PCDH7: variants seen among roughly 807,000 people sequenced by gnomAD.
PCDH7 encodes the protein protocadherin 7.
In PCDH7, 17 loss-of-function variants were observed where a neutral mutation model predicts 58.9. That is an observed-to-expected ratio of 0.29 (90% CI 0.20 to 0.43). The LOEUF is 0.43. PCDH7 is among the 20% of genes least tolerant of loss of function. The probability of loss-of-function intolerance (pLI) is 1.00; values close to 1 mark genes in which losing one functional copy is unlikely to be tolerated. For missense variants in PCDH7, 1,274 were observed against 1,441.0 expected, an observed-to-expected ratio of 0.88 and a Z score of 1.88; for synonymous variants, 664 against 616.4, an observed-to-expected ratio of 1.08 and a Z score of -1.14.
At chr4:31,086,255 TTTTA>T (rs1712418872) in intron 3 of PCDH7, among the ~76,000 whole-genome samples, 1 of 152,198 alleles carries the variant, frequency 6.6e-6, no homozygotes, top group Admixed American at 6.5e-5. Context: ...GCAGAGTTCC[TTTTA>T]TTTGTTTTAA....
intron 1 of PCDH7, among the ~76,000 whole-genome samples, chr4:30,794,728 C>T (rs1240999266): frequency 6.6e-6 from 1 of 151,576 alleles, no homozygotes; most frequent in Non-Finnish European, 1.5e-5. Context: ...AAAAATTATA[C>T]ATTTTAAATT....
chr4:30,929,995 T>A (rs1036575430), intron 2 of PCDH7, among the ~76,000 whole-genome samples: 1 of 152,200 alleles, frequency 6.6e-6, no homozygotes, highest in African/African-American at 2.4e-5. Context: ...TGAGTATTTA[T>A]TTTATGCAAA....
chr4:30,933,025 CTTTCTTTCTT>C (rs1173676688), intron 2 of PCDH7, among the ~76,000 whole-genome samples: 1 of 93,898 alleles, frequency 1.1e-5, no homozygotes, highest in Non-Finnish European at 2.1e-5. Context: ...TTCTTTCTTT[CTTTCTTTCTT>C]TTTTTTTTTT....
intron 3 of PCDH7, among the ~76,000 whole-genome samples, chr4:30,983,914 C>T (rs1173473246): frequency 6.6e-6 from 1 of 152,070 alleles, no homozygotes; most frequent in Non-Finnish European, 1.5e-5. Flanking sequence ...TCATAGTGCT[C>T]CACACCACTG....
chr4:31,051,092 G>T (rs576299159), intron 3 of PCDH7, among the ~76,000 whole-genome samples: 2 of 152,156 alleles, frequency 1.3e-5, no homozygotes, highest in East Asian at 1.9e-4. Flanking sequence ...GACCTGCCTT[G>T]GTAATTCCAA....
exon 1 of PCDH7, chr4:30,724,383 C>A: frequency 1.2e-6 from 2 of 1,613,962 alleles, no homozygotes; most frequent in Non-Finnish European, 1.7e-6. Flanking sequence ...ATGGTGGGCC[C>A]GGCAGTCCTG....
intron 3 of PCDH7, among the ~76,000 whole-genome samples, chr4:31,079,309 GATATATAT>G (rs149501069): frequency 0.079 from 5,305 of 67,268 alleles, 302 homozygotes; most frequent in South Asian, 0.16. Flanking sequence ...AATACTGGAA[GATATATAT>G]ATATATATAT....
At chr4:30,748,400 G>T (rs1718050646) in intron 1 of PCDH7, among the ~76,000 whole-genome samples, 2 of 152,130 alleles carry the variant, frequency 1.3e-5, no homozygotes, top group Admixed American at 1.3e-4. Flanking sequence ...AGTTCTGGTG[G>T]CCGAGAAGTC....
intron 3 of PCDH7, among the ~76,000 whole-genome samples, chr4:31,079,956 G>A (rs1759365100): frequency 6.6e-6 from 1 of 152,064 alleles, no homozygotes; most frequent in Admixed American, 6.6e-5. Flanking sequence ...AAATAAAATA[G>A]CAGGGATAAG....
At chr4:30,945,572 A>AT (rs1746571830) in intron 2 of PCDH7, among the ~76,000 whole-genome samples, 1 of 151,400 alleles carries the variant, frequency 6.6e-6, no homozygotes, top group Admixed American at 6.6e-5. Flanking sequence ...GCTTCAGGTC[A>AT]TGCCTACACA....
intron 1 of PCDH7, among the ~76,000 whole-genome samples, chr4:30,821,931 A>G (rs979928410): frequency 3.3e-5 from 5 of 152,148 alleles, no homozygotes; most frequent in African/African-American, 1.2e-4. Context: ...ACTATTCAGA[A>G]CCTTCTGAGC....
intron 3 of PCDH7, among the ~76,000 whole-genome samples, chr4:31,089,415 AT>A (rs1462366903): frequency 6.6e-6 from 1 of 151,788 alleles, no homozygotes; most frequent in East Asian, 1.9e-4. Context: ...TGCCAAGAAA[AT>A]TTTTTTCTTA....
intron 3 of PCDH7, among the ~76,000 whole-genome samples, chr4:31,102,385 T>C (rs892488724): frequency 6.6e-6 from 1 of 152,102 alleles, no homozygotes; most frequent in African/African-American, 2.4e-5. Flanking sequence ...TATAATATTG[T>C]AGATTTAACG....
chr4:31,002,569 T>G (rs1330936107), intron 3 of PCDH7, among the ~76,000 whole-genome samples: 1 of 152,194 alleles, frequency 6.6e-6, no homozygotes, highest in South Asian at 2.1e-4. Context: ...GGAATGGAGA[T>G]GTAATCCCAG....
intron 1 of PCDH7, among the ~76,000 whole-genome samples, chr4:30,777,773 A>G (rs1009299380): frequency 6.6e-6 from 1 of 152,156 alleles, no homozygotes; most frequent in Non-Finnish European, 1.5e-5. Flanking sequence ...CTTGTGTGCT[A>G]TATTTGCCTA....
chr4:31,107,186 AT>A lies in PCDH7; in HGVS notation c.*8-35280del, dbSNP rs558759947. On this transcript the variant is annotated intron_variant, in intron 3 of 3. Transcript: ENST00000509759. Reference sequence around the variant, plus strand: ...TATATCTGATAAAATTACCCACGAAATTTTTTTATAACTAAGTACTATGATA... The same window carrying A: ...TATATCTGATAAAATTACCCACGAAATTTTTTATAACTAAGTACTATGATA... 1.3e-3 allele frequency among the ~76,000 whole-genome samples: 194 copies of A among 152,246 alleles called. 4 individuals are homozygous for A. Among genetic ancestry groups the A allele is most frequent in the African/African-American group, 4.6e-3 (189 of 41,532 alleles).
chr4:30,728,046 C>G (rs1399287203), intron 1 of PCDH7, among the ~76,000 whole-genome samples: 2 of 151,604 alleles, frequency 1.3e-5, no homozygotes, highest in Non-Finnish European at 3.0e-5. Flanking sequence ...TCCTGAAATA[C>G]AAAAAATTTA....
chr4:30,750,928 T>A (rs1718430451), intron 1 of PCDH7, among the ~76,000 whole-genome samples: 1 of 151,986 alleles, frequency 6.6e-6, no homozygotes, highest in Non-Finnish European at 1.5e-5. Context: ...GAATAGGTGA[T>A]ATTTACAGAG....
chr4:30,968,785 G>A (rs944235912), intron 3 of PCDH7, among the ~76,000 whole-genome samples: 1 of 152,024 alleles, frequency 6.6e-6, no homozygotes, highest in African/African-American at 2.4e-5. Context: ...AACTGGCATA[G>A]GATGCTCTAT....
Sources: allele counts gnomAD v4.1 joint callset (sites outside exome capture counted in the v4.1 genomes callset), GRCh38; gene constraint gnomAD v4.1.1; transcripts MANE v1.5; gene names NCBI Gene and HGNC (gene_info 2026-07-23, HGNC 2026-07-21).